NDUFAF6: variants seen among roughly 807,000 people sequenced by gnomAD.
The protein encoded by NDUFAF6 is NADH:ubiquinone oxidoreductase complex assembly factor 6.
A neutral mutation model predicts 40.8 loss-of-function variants in NDUFAF6; 45 were observed. The observed-to-expected ratio is 1.10, with a 90% CI of 0.87 to 1.42. The LOEUF is 1.42. Among genes scored for constraint, NDUFAF6 ranks in the 40% most tolerant of loss-of-function variants. The probability of loss-of-function intolerance (pLI) is 0.00; values close to 1 mark genes in which losing one functional copy is unlikely to be tolerated. For missense variants in NDUFAF6, 435 were observed against 418.5 expected (o/e 1.04, Z -0.34); for synonymous variants, 185 against 155.9 (o/e 1.19, Z -1.39).
At chr8:95,059,864 A>AG (rs1328352293), downstream of NDUFAF6, among the ~76,000 whole-genome samples, 1 of 151,684 alleles carries the variant, frequency 6.6e-6, no homozygotes, top group African/African-American at 2.4e-5. Context: ...AAAAGAAAAA[A>AG]GAAAAAATAC....
chr8:95,111,930 C>T (rs765771713), intron 4 of NDUFAF6, among the ~76,000 whole-genome samples: 2 of 152,114 alleles, frequency 1.3e-5, no homozygotes, highest in Non-Finnish European at 2.9e-5. Flanking sequence ...AGCCTTTTGT[C>T]CCTGCTTCCA....
Position 95,034,405 on chromosome 8 carries a change from C to G in NDUFAF6, c.298-1049C>G, listed in dbSNP as rs13439012. Reference sequence around the variant, plus strand: ...CTGGTTTCCAGTTTTCTCAAATGACCCAGTAAGGTCTTTTATGGCATTTTT... The same window carrying G: ...CTGGTTTCCAGTTTTCTCAAATGACGCAGTAAGGTCTTTTATGGCATTTTT... On this transcript the variant is annotated intron_variant, in intron 2 of 8. Coordinates refer to ENST00000396124, the MANE Select transcript of NDUFAF6 (RefSeq NM_152416.4). 7.1e-3 allele frequency among the ~76,000 whole-genome samples: 1,077 copies of G among 152,122 alleles called. 14 individuals are homozygous for G. The highest frequency in any genetic ancestry group is 0.024 in the African/African-American group (1,005 of 41,496).
At chr8:94,927,379 C>T (rs1015841173) in intron 1 of NDUFAF6, 2 of 152,154 alleles carry the variant, frequency 1.3e-5, no homozygotes, top group Non-Finnish European at 2.9e-5. Context: ...TGCTGAACAG[C>T]CTGCTCAAGT....
chr8:95,101,531 T>C (rs1809647572), intron 2 of NDUFAF6, among the ~76,000 whole-genome samples: 1 of 152,198 alleles, frequency 6.6e-6, no homozygotes, highest in Admixed American at 6.5e-5. Context: ...GCTGTCATGA[T>C]GAACTGTCTC....
chr8:95,115,482 TG>T (rs1223364147), intron 4 of NDUFAF6: 1 of 152,134 alleles, frequency 6.6e-6, no homozygotes, highest in East Asian at 1.9e-4. Flanking sequence ...GGAAGAGTCT[TG>T]CTTCTCTGAT....
intron 2 of NDUFAF6, among the ~76,000 whole-genome samples, chr8:94,949,680 C>T (rs1201092207): frequency 1.3e-5 from 2 of 152,012 alleles, no homozygotes; most frequent in Non-Finnish European, 2.9e-5. Flanking sequence ...GAGCGGGGTG[C>T]GTAAGAGGCG....
intron 1 of NDUFAF6, among the ~76,000 whole-genome samples, chr8:94,900,327 C>A (rs535092639): frequency 6.6e-6 from 1 of 152,094 alleles, no homozygotes; most frequent in East Asian, 1.9e-4. Context: ...AGTTTTGCAG[C>A]TGGCACCTTG....
intron 2 of NDUFAF6, among the ~76,000 whole-genome samples, chr8:94,945,824 A>G (rs906675366): frequency 1.3e-5 from 2 of 152,226 alleles, no homozygotes; most frequent in South Asian, 4.1e-4. Flanking sequence ...TTCTTTGAAC[A>G]GCTTTAACCA....
chr8:94,930,327 C>T, intron 1 of NDUFAF6: 1 of 1,090,818 alleles, frequency 9.2e-7, no homozygotes, highest in Non-Finnish European at 1.3e-6. Flanking sequence ...GCATATAAAT[C>T]TGATTTTCAA....
intron 1 of NDUFAF6, among the ~76,000 whole-genome samples, chr8:94,960,601 G>A (rs181835633): frequency 7.4e-4 from 112 of 152,286 alleles, no homozygotes; most frequent in African/African-American, 2.6e-3. Flanking sequence ...TTGGCAGAAC[G>A]CTAAATCCCT....
chr8:95,012,943 A>T (rs1438403468), intron 2 of NDUFAF6, among the ~76,000 whole-genome samples: 3 of 152,204 alleles, frequency 2.0e-5, no homozygotes, highest in African/African-American at 7.2e-5. Flanking sequence ...GTTTTGCCAG[A>T]GTTTGACCTC....
chr8:95,015,874 G>T (rs1214836963), intron 2 of NDUFAF6, among the ~76,000 whole-genome samples: 2 of 152,206 alleles, frequency 1.3e-5, no homozygotes, highest in African/African-American at 2.4e-5. Flanking sequence ...TAAGAAGAGT[G>T]CTAAGGGATA....
intron 4 of NDUFAF6, among the ~76,000 whole-genome samples, chr8:95,045,201 GATAATGTCTAAAGTGCCTAC>G (rs1050574899): frequency 2.0e-5 from 3 of 152,090 alleles, no homozygotes; most frequent in Non-Finnish European, 2.9e-5. Flanking sequence ...GGGTTAAGAA[GATAATGTCTAAAGTGCCTAC>G]GTAATGTCTA....
At chr8:95,092,077 C>T (rs990269526) in intron 2 of NDUFAF6, among the ~76,000 whole-genome samples, 1 of 151,630 alleles carries the variant, frequency 6.6e-6, no homozygotes, top group Admixed American at 6.6e-5. Context: ...TTAGTGTTCC[C>T]AACTTCACAC....
intron 1 of NDUFAF6, among the ~76,000 whole-genome samples, chr8:94,941,481 A>C (rs2131371559): frequency 6.6e-6 from 1 of 152,330 alleles, no homozygotes; most frequent in Middle Eastern, 3.4e-3. Flanking sequence ...GGTGACCACC[A>C]TTATGCCAGG....
chr8:94,943,964 T>C (rs1362287667), intron 1 of NDUFAF6, among the ~76,000 whole-genome samples: 1 of 152,234 alleles, frequency 6.6e-6, no homozygotes, highest in African/African-American at 2.4e-5. Context: ...TTTGACCTGC[T>C]GTGGTGTGAT....
At chr8:94,935,132 G>GATAGAT (rs1042247212) in intron 1 of NDUFAF6, among the ~76,000 whole-genome samples, 3 of 141,622 alleles carry the variant, frequency 2.1e-5, no homozygotes, top group African/African-American at 8.0e-5. Flanking sequence ...GATAGATATA[G>GATAGAT]ATAGATAGAT....
intron 1 of NDUFAF6, among the ~76,000 whole-genome samples, chr8:94,941,925 T>C (rs1821574989): frequency 6.6e-6 from 1 of 151,728 alleles, no homozygotes; most frequent in African/African-American, 2.4e-5. Context: ...ATACCAAAGA[T>C]AGGTTTTTTT....
intron 4 of NDUFAF6, among the ~76,000 whole-genome samples, chr8:95,109,302 CAAAAT>C (rs929292175): frequency 6.6e-6 from 1 of 152,142 alleles, no homozygotes; most frequent in African/African-American, 2.4e-5. Flanking sequence ...ATTCACAAAA[CAAAAT>C]AAACGATTAA....
Sources: allele counts gnomAD v4.1 joint callset (sites outside exome capture counted in the v4.1 genomes callset), GRCh38; gene constraint gnomAD v4.1.1; transcripts MANE v1.5; gene names NCBI Gene and HGNC (gene_info 2026-07-23, HGNC 2026-07-21).